The following TAF8 variants were observed in gnomAD, a reference collection of about 807,000 sequenced individuals.
The protein encoded by TAF8 is transcription initiation factor TFIID subunit 8.
TAF8 carries 47 observed loss-of-function variants against 36.5 expected under a neutral mutation model. The observed-to-expected ratio is 1.29, with a 90% CI of 1.02 to 1.64. The LOEUF is 1.64. TAF8 is among the 40% of genes most tolerant of loss of function. The pLI, the probability that TAF8 is intolerant of heterozygous loss-of-function variation, is 0.00. For synonymous variants in TAF8, 175 were observed against 159.5 expected, an observed-to-expected ratio of 1.10 and a Z score of -0.73; for missense variants, 420 against 407.6, an observed-to-expected ratio of 1.03 and a Z score of -0.26.
rs917502037 is a variant in TAF8 at position 42,069,568 on chromosome 6, G to T, written c.780+961G>T. 2.0e-5 allele frequency among the ~76,000 whole-genome samples: 3 copies of T among 152,304 alleles called. 1 individual carries two copies. Among genetic ancestry groups the T allele is most frequent in the Non-Finnish European group, 4.4e-5 (3 of 68,020 alleles). ...TTCAGCCAAGATAGGAACAACCACC[G>T]GGTAGAACAGGTGTGTGGGGGAAGT... On this transcript the variant is annotated intron_variant, in intron 7 of 8. Coordinates refer to ENST00000372977, the MANE Select transcript of TAF8 (RefSeq NM_138572.3).
chr6:42,066,451 C>G lies in TAF8; in HGVS notation c.629C>G (p.Thr210Arg). 1 of 1,614,160 alleles carries G rather than the reference C, an allele frequency of 6.2e-7. No homozygotes were observed. Among genetic ancestry groups the G allele is most frequent in the Non-Finnish European group, 8.5e-7 (1 of 1,180,006 alleles). ...AGTCTTTTCAAAGATGACGTCAGCA[C>G]ATTTCCATGTGAGAGTTGCCCCACT... ...TQSLFKDDVS[T>R]FPLIAARPFT... The change falls in exon 6 of 9, where the codon ACA becomes AGA. Residue 210 changes from threonine (T) to arginine (R), a missense_variant. Physicochemically the swap from Thr to Arg is moderately conservative, Grantham distance 71 (BLOSUM62 -1). Transcript: ENST00000372977.
chr6:42,071,311 CTTTTTTTTTTTTTTTTTTTT>C lies in TAF8; in HGVS notation c.780+2718_780+2737del, dbSNP rs70987566. The C allele has an allele frequency of 9.6e-3, 1,171 of 121,752 alleles. 88 individuals are homozygous for C. The highest frequency in any genetic ancestry group is 0.082 in the Admixed American group (885 of 10,738). The allele number at this position is 121,752 out of a possible 1,614,324, so 7.5% of individuals were successfully genotyped here. A position where few individuals can be genotyped will look rare whatever the true frequency, so the allele number is the denominator to read the frequency against. On this transcript the variant is annotated intron_variant, in intron 7 of 8. Transcript: ENST00000372977. ...TGAAGGTCTTATTTGCCTGGACATA[CTTTTTTTTTTTTTTTTTTTT>C]TTTTTTTTTTTTTAGATAGAGTCTC...
At chr6:42,071,724 G>A (rs537986597) in intron 7 of TAF8, among the ~76,000 whole-genome samples, 7 of 151,992 alleles carry the variant, frequency 4.6e-5, no homozygotes, top group Admixed American at 3.3e-4. Flanking sequence ...GTTATTGTAC[G>A]CTTCTGTTAA....
chr6:42,068,045 C>T (rs1765426813), intron 6 of TAF8, among the ~76,000 whole-genome samples: 1 of 152,172 alleles, frequency 6.6e-6, no homozygotes, highest in Non-Finnish European at 1.5e-5. Flanking sequence ...AATATTCCTG[C>T]TCTGGAAGTG....
At position 42,078,546 on chromosome 6, in the gene TAF8, G is replaced by A. The variant is rs965834279; in HGVS notation, c.*1001G>A. 4 of 985,426 alleles carry A rather than the reference G, an allele frequency of 4.1e-6. No homozygotes were observed. The African/African-American group carries it at 5.2e-5, about 13-fold the overall frequency. The allele number at this position is 985,426 out of a possible 1,614,324, so 61.0% of individuals were successfully genotyped here. ...GAGGCCACACAGCACAGCTTTGTTT[G>A]GGGTGGGCAGGAGTCAGGAGTCTTG... On this transcript the variant is annotated 3_prime_UTR_variant, in exon 9 of 9. Transcript: ENST00000372977.
At chr6:42,068,724 G>C (rs1406423166) in intron 7 of TAF8, 117 bp downstream of exon 7, 8 of 1,269,400 alleles carry the variant, frequency 6.3e-6, no homozygotes, top group Non-Finnish European at 8.9e-6. Context: ...CTTTCTGTTA[G>C]GGGCCTGCAT....
chr6:42,062,810 G>C (rs181672890), intron 5 of TAF8, among the ~76,000 whole-genome samples: 2 of 152,044 alleles, frequency 1.3e-5, no homozygotes, highest in Admixed American at 1.3e-4. Context: ...AAAGTTTTGG[G>C]ATTACAGGCA....
chr6:42,073,122 T>C (rs1765637481), intron 7 of TAF8, among the ~76,000 whole-genome samples: 1 of 152,232 alleles, frequency 6.6e-6, no homozygotes, highest in Non-Finnish European at 1.5e-5. Context: ...TTCTAGTTTC[T>C]CCATGTACTT....
chr6:42,083,741 G>A (rs1377923509), downstream of TAF8, among the ~76,000 whole-genome samples: 3 of 152,126 alleles, frequency 2.0e-5, no homozygotes, highest in Non-Finnish European at 4.4e-5. Context: ...TTCTGGGCTG[G>A]GACTTCAGGA....
chr6:42,056,511 C>T (rs1764991825), intron 4 of TAF8, among the ~76,000 whole-genome samples: 1 of 152,176 alleles, frequency 6.6e-6, no homozygotes, highest in African/African-American at 2.4e-5. Flanking sequence ...ACTTTGATGA[C>T]CTCTACTTTA....
chr6:42,069,780 C>A (rs1463421999), intron 7 of TAF8, among the ~76,000 whole-genome samples: 5 of 152,052 alleles, frequency 3.3e-5, no homozygotes, highest in African/African-American at 1.2e-4. Context: ...CGTGGATGAG[C>A]TCTTCCAGGG....
At chr6:42,057,256 A>T in intron 4 of TAF8, 133 bp from the exon 5 acceptor site, 1 of 1,309,792 alleles carries the variant, frequency 7.6e-7, no homozygotes, top group Non-Finnish European at 1.1e-6. Context: ...TATCGATTGA[A>T]ATACAAAATG....
downstream of TAF8, among the ~76,000 whole-genome samples, chr6:42,084,565 C>T (rs1266832069): frequency 2.0e-5 from 3 of 152,058 alleles, no homozygotes; most frequent in African/African-American, 4.8e-5. Context: ...TGGGTTCAAG[C>T]GATTCTCCTG....
In TAF8 at chr6:42,077,987, C is replaced by G. The variant is rs970363360; in HGVS notation, c.*442C>G. The G allele has an allele frequency of 1.5e-5, 3 of 195,090 alleles. No homozygotes were observed. Among genetic ancestry groups the G allele is most frequent in the Non-Finnish European group, 2.9e-5 (3 of 103,188 alleles). The allele number at this position is 195,090 out of a possible 1,614,324, so 12.1% of individuals were successfully genotyped here. A position where few individuals can be genotyped will look rare whatever the true frequency, so the allele number is the denominator to read the frequency against. Reference sequence around the variant, plus strand: ...GCCAGGCTGGTCTTGAACTCCTGACCTCAAGTGATCCACCCGCATTGGCCT... The same window carrying G: ...GCCAGGCTGGTCTTGAACTCCTGACGTCAAGTGATCCACCCGCATTGGCCT... On this transcript the variant is annotated 3_prime_UTR_variant, in exon 9 of 9. Coordinates refer to ENST00000372977, the MANE Select transcript of TAF8 (RefSeq NM_138572.3).
chr6:42,082,023 T>C lies in TAF8; in HGVS notation c.*4478T>C, dbSNP rs943909760. The C allele has an allele frequency of 7.2e-5, 11 of 152,366 alleles. No homozygotes were observed. Among genetic ancestry groups the C allele is most frequent in the African/African-American group, 2.4e-4 (10 of 41,592 alleles). 9.4% of individuals were successfully genotyped at this position (152,366 alleles called of 1,614,324 possible). On this transcript the variant is annotated 3_prime_UTR_variant, in exon 9 of 9. Transcript: ENST00000372977. ...TAACTGTGGTGCAATATCAAAACCC[T>C]TGCATTCAGTTTCAGTGTACAATGT... is the stretch of plus-strand genomic sequence containing the variant.
downstream of TAF8, among the ~76,000 whole-genome samples, chr6:42,085,208 T>C (rs916887896): frequency 2.0e-5 from 3 of 152,234 alleles, no homozygotes; most frequent in Non-Finnish European, 2.9e-5. Context: ...ACTCCTGATA[T>C]GTAAAGAACT....
Position 42,081,492 on chromosome 6 carries a change from C to T in TAF8, c.*3947C>T, listed in dbSNP as rs1765924395. On this transcript the variant is annotated 3_prime_UTR_variant, in exon 9 of 9. Coordinates refer to ENST00000372977, the MANE Select transcript of TAF8 (RefSeq NM_138572.3). ...CACGCCATTCTCCTGCCTCAGCCTCCCAAGTAGCTGGGACTACAGGTGCCT... is the reference window on the plus strand; with the variant it reads ...CACGCCATTCTCCTGCCTCAGCCTCTCAAGTAGCTGGGACTACAGGTGCCT... 1 of 152,296 alleles carries T rather than the reference C, an allele frequency of 6.6e-6. No homozygotes were observed. The highest frequency in any genetic ancestry group is 6.5e-5 in the Admixed American group (1 of 15,276). 9.4% of individuals were successfully genotyped at this position (152,296 alleles called of 1,614,324 possible).
chr6:42,056,190 A>G, intron 4 of TAF8, 176 bp downstream of exon 4: 1 of 550,524 alleles, frequency 1.8e-6, no homozygotes. Context: ...TAGCATGTGA[A>G]ATTCAGTCAC....
chr6:42,082,985 T>G lies in TAF8; in HGVS notation c.*5440T>G, dbSNP rs1195689080. On this transcript the variant is annotated 3_prime_UTR_variant, in exon 9 of 9. Coordinates refer to ENST00000372977, the MANE Select transcript of TAF8 (RefSeq NM_138572.3). ...ATTTGATTACTAGCTTTTCTTTTTC[T>G]CCTTTGTTAAACAGTTATTTAATTT... is the stretch of plus-strand genomic sequence containing the variant. The G allele has an allele frequency of 6.6e-6, 1 of 152,186 alleles. No homozygotes were observed. The highest frequency in any genetic ancestry group is 1.5e-5 in the Non-Finnish European group (1 of 68,040). 9.4% of individuals were successfully genotyped at this position (152,186 alleles called of 1,614,324 possible). A position where few individuals can be genotyped will look rare whatever the true frequency, so the allele number is the denominator to read the frequency against.
Sources: gnomAD v4.1 joint callset for allele counts (sites outside exome capture counted in the v4.1 genomes callset) on GRCh38, gnomAD v4.1.1 for gene constraint, MANE v1.5 for transcripts, NCBI Gene and HGNC (gene_info 2026-07-23, HGNC 2026-07-21) for gene names.